Variants in NAALADL2 observed in about 807,000 individuals in gnomAD.
The protein encoded by NAALADL2 is inactive N-acetylated-alpha-linked acidic dipeptidase-like protein 2.
A neutral mutation model predicts 87.2 loss-of-function variants in NAALADL2; 76 were observed. That is an observed-to-expected ratio of 0.87 (90% CI 0.72 to 1.05). The LOEUF is 1.05. NAALADL2 is among the 50% of genes least tolerant of loss of function. The probability of loss-of-function intolerance (pLI) is 0.00; values close to 1 mark genes in which losing one functional copy is unlikely to be tolerated. For missense variants in NAALADL2, 1,089 were observed against 945.8 expected (o/e 1.15, Z -1.99); for synonymous variants, 354 against 331.0 (o/e 1.07, Z -0.75).
Position 174,528,057 on chromosome 3 carries a change from G to A in NAALADL2, c.-183-22512G>A, listed in dbSNP as rs531834315. 7.9e-5 allele frequency among the ~76,000 whole-genome samples: 12 copies of A among 152,202 alleles called. No homozygotes were observed. In the South Asian group the frequency reaches 8.3e-4, roughly 11 times the overall value. ...AGACTGAATAGTTGCAACAGGTGCCGTGTGGCCAGAAAAGCCAAAAATATT... is the reference window on the plus strand; with the variant it reads ...AGACTGAATAGTTGCAACAGGTGCCATGTGGCCAGAAAAGCCAAAAATATT... On this transcript the variant is annotated intron_variant, in intron 1 of 3. Coordinates refer to the NAALADL2 transcript ENST00000434257.
rs570972484 is a variant in NAALADL2 at position 174,601,016 on chromosome 3, A to G, written c.-115+50379A>G. Among the ~76,000 whole-genome samples, 3 of 152,298 alleles carry G rather than the reference A, an allele frequency of 2.0e-5. No homozygotes were observed. In the East Asian group the frequency reaches 5.8e-4, roughly 29 times the overall value. Reference sequence around the variant, plus strand: ...CAGGCATGCAATGCATAATAATCACATCAGGGTAATTATGGTATACATCAC... The same window carrying G: ...CAGGCATGCAATGCATAATAATCACGTCAGGGTAATTATGGTATACATCAC... On this transcript the variant is annotated intron_variant, in intron 2 of 3. Coordinates refer to the NAALADL2 transcript ENST00000434257.
At chr3:175,764,836 A>G (rs1422437066) in intron 13 of NAALADL2, among the ~76,000 whole-genome samples, 3 of 152,198 alleles carry the variant, frequency 2.0e-5, no homozygotes, top group East Asian at 3.9e-4. Flanking sequence ...CCCCCAAATC[A>G]CTACAGAATA....
intron 2 of NAALADL2, among the ~76,000 whole-genome samples, chr3:174,737,271 G>A (rs550897360): frequency 2.6e-4 from 40 of 152,330 alleles, no homozygotes; most frequent in African/African-American, 9.1e-4. Flanking sequence ...AAAGTGCTTG[G>A]ATTACAGGTG....
At chr3:174,590,914 C>A (rs960393957) in intron 2 of NAALADL2, among the ~76,000 whole-genome samples, 2 of 152,050 alleles carry the variant, frequency 1.3e-5, no homozygotes, top group African/African-American at 4.8e-5. Context: ...GAGAGGCTTC[C>A]ATTAGTATCA....
At chr3:174,479,765 TG>T (rs74351630) in intron 1 of NAALADL2, among the ~76,000 whole-genome samples, 40,784 of 151,930 alleles carry the variant, frequency 0.27, 5,928 homozygotes, top group South Asian at 0.45. Context: ...TTTACCTTTG[TG>T]TTATTTATTG....
chr3:174,723,507 G>A (rs1259058927), intron 2 of NAALADL2, among the ~76,000 whole-genome samples: 2 of 152,098 alleles, frequency 1.3e-5, no homozygotes, highest in Non-Finnish European at 2.9e-5. Flanking sequence ...TGCAATCCCA[G>A]CACTTTGGGA....
At chr3:175,014,978 G>A (rs189984360) in intron 1 of NAALADL2, among the ~76,000 whole-genome samples, 35 of 151,874 alleles carry the variant, frequency 2.3e-4, no homozygotes, top group African/African-American at 8.0e-4. Flanking sequence ...ACTTTTTATG[G>A]CTTTATTCAT....
chr3:175,619,716 A>T (rs781553417), intron 10 of NAALADL2, among the ~76,000 whole-genome samples: 1 of 152,136 alleles, frequency 6.6e-6, no homozygotes, highest in East Asian at 1.9e-4. Flanking sequence ...AACATTGTAT[A>T]TAAGAACACA....
intron 2 of NAALADL2, among the ~76,000 whole-genome samples, chr3:175,138,792 A>C (rs948200624): frequency 4.7e-5 from 7 of 147,786 alleles, no homozygotes; most frequent in Middle Eastern, 3.6e-3. Context: ...AGATATTGTG[A>C]ATATATACTG....
intron 5 of NAALADL2, among the ~76,000 whole-genome samples, chr3:175,372,977 T>C (rs1029259104): frequency 1.3e-5 from 2 of 152,214 alleles, no homozygotes; most frequent in Non-Finnish European, 2.9e-5. Context: ...GGCCAGACAG[T>C]GGTCATACTG....
intron 6 of NAALADL2, among the ~76,000 whole-genome samples, chr3:175,452,396 T>C (rs528827697): frequency 6.6e-6 from 1 of 152,296 alleles, no homozygotes; most frequent in East Asian, 1.9e-4. Context: ...CTAAGTATTT[T>C]TTAGTAGGCC....
chr3:174,442,630 CT>C (rs749512863), intron 1 of NAALADL2, among the ~76,000 whole-genome samples: 1 of 152,148 alleles, frequency 6.6e-6, no homozygotes. Context: ...TTGTTGATTG[CT>C]TACTGCGTGC....
At chr3:174,871,470 C>G (rs1727808737) in intron 1 of NAALADL2, among the ~76,000 whole-genome samples, 1 of 152,102 alleles carries the variant, frequency 6.6e-6, no homozygotes, top group Admixed American at 6.6e-5. Context: ...TGAAAGTTTG[C>G]CACATAGGCT....
chr3:175,334,893 C>T (rs1761820049), intron 5 of NAALADL2, among the ~76,000 whole-genome samples: 2 of 152,194 alleles, frequency 1.3e-5, no homozygotes, highest in South Asian at 4.1e-4. Flanking sequence ...GACTTGTTCA[C>T]TGGTAGTCCA....
chr3:174,701,839 A>C (rs1429242151), intron 2 of NAALADL2, among the ~76,000 whole-genome samples: 1 of 152,164 alleles, frequency 6.6e-6, no homozygotes, highest in Non-Finnish European at 1.5e-5. Flanking sequence ...TTATTCATTC[A>C]TGTGTCGGAC....
intron 3 of NAALADL2, among the ~76,000 whole-genome samples, chr3:174,801,787 T>C (rs1308508725): frequency 6.6e-6 from 1 of 151,862 alleles, no homozygotes; most frequent in Non-Finnish European, 1.5e-5. Context: ...TAATATGATA[T>C]ATATATTCAT....
intron 2 of NAALADL2, among the ~76,000 whole-genome samples, chr3:175,135,042 G>A (rs1274135059): frequency 6.6e-6 from 1 of 152,112 alleles, no homozygotes; most frequent in Non-Finnish European, 1.5e-5. Flanking sequence ...TAGAGTAATA[G>A]TTTCCTTATG....
chr3:175,782,005 T>A (rs1751187361), intron 13 of NAALADL2, among the ~76,000 whole-genome samples: 1 of 151,536 alleles, frequency 6.6e-6, no homozygotes, highest in South Asian at 2.1e-4. Context: ...GATTTCCAAT[T>A]TCATCCATGT....
At chr3:174,937,453 C>A (rs180674797) in intron 1 of NAALADL2, among the ~76,000 whole-genome samples, 1 of 152,160 alleles carries the variant, frequency 6.6e-6, no homozygotes, top group Non-Finnish European at 1.5e-5. Flanking sequence ...TCTTTCACTT[C>A]CGTCCTCTTA....
Sources: gnomAD v4.1 joint callset for allele counts (sites outside exome capture counted in the v4.1 genomes callset) on GRCh38, gnomAD v4.1.1 for gene constraint, MANE v1.5 for transcripts, NCBI Gene and HGNC (gene_info 2026-07-23, HGNC 2026-07-21) for gene names.